The following MARCHF3 variants were observed in gnomAD, a reference collection of about 807,000 sequenced individuals.
MARCHF3 encodes membrane associated ring-CH-type finger 3.
MARCHF3 carries 13 observed loss-of-function variants against 24.2 expected under a neutral mutation model. The observed-to-expected ratio is 0.54, with a 90% CI of 0.35 to 0.85. The LOEUF is 0.85. Ranked by LOEUF, MARCHF3 falls within the 40% of genes least tolerant of loss-of-function variation. MARCHF3 has a pLI of 0.01. For missense variants in MARCHF3, 276 were observed against 325.0 expected (o/e 0.85, Z 1.16); for synonymous variants, 144 against 137.3 (o/e 1.05, Z -0.34).
At chr5:126,916,692 GACACACACACACACACACACACACAC>G (rs34090036) in intron 2 of MARCHF3, among the ~76,000 whole-genome samples, 15,875 of 130,562 alleles carry the variant, frequency 0.12, 1,194 homozygotes, top group Middle Eastern at 0.17. Flanking sequence ...CAGACAGACA[GACACACACACACACACACACACACAC>G]ACACACACAC....
intron 1 of MARCHF3, among the ~76,000 whole-genome samples, chr5:126,975,763 C>T (rs1339510954): frequency 6.6e-6 from 1 of 152,180 alleles, no homozygotes; most frequent in Non-Finnish European, 1.5e-5. Flanking sequence ...GAAGCTAAAA[C>T]CCAGAACACT....
intron 1 of MARCHF3, among the ~76,000 whole-genome samples, chr5:126,945,649 A>G (rs1749985656): frequency 6.6e-6 from 1 of 152,188 alleles, no homozygotes; most frequent in Non-Finnish European, 1.5e-5. Flanking sequence ...CCTGAGCACA[A>G]TGGGTGCTAC....
intron 1 of MARCHF3, among the ~76,000 whole-genome samples, chr5:126,951,014 T>C (rs1750212610): frequency 6.6e-6 from 1 of 152,156 alleles, no homozygotes; most frequent in Non-Finnish European, 1.5e-5. Context: ...TACCTTTCCC[T>C]TCTTTCTTAC....
At chr5:126,958,884 A>C (rs1750541819) in intron 1 of MARCHF3, among the ~76,000 whole-genome samples, 1 of 152,230 alleles carries the variant, frequency 6.6e-6, no homozygotes, top group East Asian at 1.9e-4. Context: ...CAACAGTGGA[A>C]CAATCTAAGT....
At chr5:126,971,525 CTATTGTACCT>C (rs1412929200) in intron 1 of MARCHF3, among the ~76,000 whole-genome samples, 1 of 151,788 alleles carries the variant, frequency 6.6e-6, no homozygotes, top group African/African-American at 2.4e-5. Flanking sequence ...TGCAGCAGGT[CTATTGTACCT>C]TAAGCTGTGC....
chr5:126,968,764 A>G (rs1035920372), intron 1 of MARCHF3, among the ~76,000 whole-genome samples: 2 of 152,068 alleles, frequency 1.3e-5, no homozygotes, highest in African/African-American at 4.8e-5. Flanking sequence ...AAGTAGATAC[A>G]GGGTTTCGCC....
chr5:126,995,249 G>T (rs1340449326), intron 1 of MARCHF3, among the ~76,000 whole-genome samples: 1 of 152,214 alleles, frequency 6.6e-6, no homozygotes, highest in African/African-American at 2.4e-5. Flanking sequence ...TGGACACACA[G>T]TTTAAAAAAG....
At position 126,975,782 on chromosome 5, in the gene MARCHF3, C is replaced by A. The variant is rs142129500; in HGVS notation, c.-57+54568G>T. On this transcript the variant is annotated intron_variant, in intron 1 of 4. Coordinates refer to ENST00000308660, the MANE Select transcript of MARCHF3 (RefSeq NM_178450.5). ...CTAAAACCCAGAACACTTTTACTGG[C>A]TAAAAATCATGATGATTCAAAACTC... Among the ~76,000 whole-genome samples the A allele has an allele frequency of 6.5e-4, 99 of 152,286 alleles. No individual in the cohort carries two copies. The East Asian group carries it at 9.4e-3, about 15-fold the overall frequency.
chr5:126,957,967 T>C (rs1750503601), intron 1 of MARCHF3, among the ~76,000 whole-genome samples: 1 of 152,164 alleles, frequency 6.6e-6, no homozygotes, highest in Non-Finnish European at 1.5e-5. Context: ...TTTCCAAATA[T>C]AGATTTATTA....
At chr5:126,923,587 C>T (rs900556354) in intron 1 of MARCHF3, among the ~76,000 whole-genome samples, 3 of 152,166 alleles carry the variant, frequency 2.0e-5, no homozygotes, top group Non-Finnish European at 2.9e-5. Flanking sequence ...AACCTTCATA[C>T]CCAATTCCAG....
At chr5:126,996,992 C>CA (rs1427026928) in intron 1 of MARCHF3, among the ~76,000 whole-genome samples, 5 of 151,892 alleles carry the variant, frequency 3.3e-5, no homozygotes, top group African/African-American at 1.2e-4. Flanking sequence ...TAAGAGAAAG[C>CA]AAAAATTTTA....
At chr5:127,001,925 A>C (rs1258490318) in intron 1 of MARCHF3, among the ~76,000 whole-genome samples, 2 of 152,256 alleles carry the variant, frequency 1.3e-5, no homozygotes, top group Non-Finnish European at 2.9e-5. Flanking sequence ...CTGAAAAGTC[A>C]AGCATGAATT....
intron 1 of MARCHF3, among the ~76,000 whole-genome samples, chr5:127,003,029 G>C (rs947215119): frequency 1.3e-4 from 20 of 152,192 alleles, no homozygotes; most frequent in African/African-American, 4.6e-4. Flanking sequence ...AAGCAACTGG[G>C]GGACAGAGAT....
At chr5:127,009,666 T>C (rs1752419451) in intron 1 of MARCHF3, among the ~76,000 whole-genome samples, 1 of 152,178 alleles carries the variant, frequency 6.6e-6, no homozygotes, top group African/African-American at 2.4e-5. Context: ...TGAAACTAGA[T>C]TCTCCACATT....
intron 1 of MARCHF3, among the ~76,000 whole-genome samples, chr5:126,992,184 T>C (rs1346240749): frequency 6.6e-6 from 1 of 152,222 alleles, no homozygotes; most frequent in African/African-American, 2.4e-5. Context: ...AAAAGTTACC[T>C]GCAGACAAAT....
chr5:126,985,353 T>C (rs1751527422), intron 1 of MARCHF3, among the ~76,000 whole-genome samples: 1 of 152,082 alleles, frequency 6.6e-6, no homozygotes, highest in African/African-American at 2.4e-5. Context: ...TTGGGAAGAA[T>C]GGGAGGGACA....
intron 1 of MARCHF3, among the ~76,000 whole-genome samples, chr5:126,955,463 C>T (rs1009419287): frequency 5.9e-5 from 9 of 152,164 alleles, no homozygotes; most frequent in East Asian, 5.8e-4. Context: ...TTCGTTCATC[C>T]GGCCCAATAT....
intron 1 of MARCHF3, among the ~76,000 whole-genome samples, chr5:126,928,473 T>C (rs1253970870): frequency 6.6e-6 from 1 of 152,086 alleles, no homozygotes; most frequent in Non-Finnish European, 1.5e-5. Flanking sequence ...GTAAAGGAGA[T>C]TGTCAAAAAA....
At chr5:127,007,962 C>G (rs1391167993) in intron 1 of MARCHF3, among the ~76,000 whole-genome samples, 1 of 152,170 alleles carries the variant, frequency 6.6e-6, no homozygotes, top group Non-Finnish European at 1.5e-5. Context: ...GAGGGAACCA[C>G]AGCTGAGCTC....
Sources: allele counts gnomAD v4.1 joint callset (sites outside exome capture counted in the v4.1 genomes callset), GRCh38; gene constraint gnomAD v4.1.1; transcripts MANE v1.5; gene names NCBI Gene and HGNC (gene_info 2026-07-23, HGNC 2026-07-21).